CSMD1: variants seen among roughly 807,000 people sequenced by gnomAD.
The protein encoded by CSMD1 is CUB and sushi domain-containing protein 1.
CSMD1 carries 213 observed loss-of-function variants against 417.5 expected under a neutral mutation model. The observed-to-expected ratio is 0.51, with a 90% CI of 0.46 to 0.57. The LOEUF is 0.57. Among genes scored for constraint, CSMD1 ranks in the 20% least tolerant of loss-of-function variants. The probability of loss-of-function intolerance (pLI) is 0.00; values close to 1 mark genes in which losing one functional copy is unlikely to be tolerated. For synonymous variants in CSMD1, 2,862 were observed against 1,736.8 expected (o/e 1.65, Z -16.11); for missense variants, 6,923 against 4,529.7 (o/e 1.53, Z -15.17).
At chr8:4,042,562 C>T (rs964704504) in intron 3 of CSMD1, among the ~76,000 whole-genome samples, 8 of 151,884 alleles carry the variant, frequency 5.3e-5, no homozygotes, top group Admixed American at 1.3e-4. Flanking sequence ...GTCATTCCAG[C>T]GGAAGGTAAT....
intron 48 of CSMD1, among the ~76,000 whole-genome samples, chr8:3,090,870 T>C (rs181863226): frequency 1.3e-5 from 2 of 152,090 alleles, no homozygotes; most frequent in Admixed American, 6.5e-5. Flanking sequence ...CTACTGATGA[T>C]TGTATACAGG....
intron 3 of CSMD1, among the ~76,000 whole-genome samples, chr8:4,042,694 T>G (rs1418409578): frequency 1.3e-5 from 2 of 151,474 alleles, no homozygotes; most frequent in African/African-American, 4.9e-5. Context: ...ATATATATTT[T>G]AGGTTTCTAA....
chr8:4,018,019 T>C (rs1350866599), intron 4 of CSMD1, among the ~76,000 whole-genome samples: 1 of 152,206 alleles, frequency 6.6e-6, no homozygotes, highest in East Asian at 1.9e-4. Context: ...GTTTGTCCAC[T>C]CGTAACTGTC....
At chr8:3,965,847 G>C (rs1037393505) in intron 5 of CSMD1, among the ~76,000 whole-genome samples, 3 of 152,122 alleles carry the variant, frequency 2.0e-5, no homozygotes, top group South Asian at 4.1e-4. Flanking sequence ...TTGAACTCTT[G>C]ACCTCATACT....
At chr8:4,284,693 C>T (rs1310186953) in intron 3 of CSMD1, among the ~76,000 whole-genome samples, 2 of 152,072 alleles carry the variant, frequency 1.3e-5, no homozygotes, top group African/African-American at 4.8e-5. Flanking sequence ...AGATATAAAA[C>T]ACTAAAATTT....
At chr8:3,596,768 G>A (rs184594084) in intron 8 of CSMD1, among the ~76,000 whole-genome samples, 289 of 151,904 alleles carry the variant, frequency 1.9e-3, no homozygotes, top group African/African-American at 6.4e-3. Flanking sequence ...ATAATTCAGG[G>A]CACACACAAA....
chr8:3,158,372 A>G (rs1328530116), intron 38 of CSMD1, among the ~76,000 whole-genome samples: 1 of 152,184 alleles, frequency 6.6e-6, no homozygotes, highest in African/African-American at 2.4e-5. Flanking sequence ...CCAAAATGTC[A>G]GCAATACAAA....
At chr8:4,284,858 A>C (rs1030621566) in intron 3 of CSMD1, among the ~76,000 whole-genome samples, 2 of 150,124 alleles carry the variant, frequency 1.3e-5, no homozygotes, top group African/African-American at 5.0e-5. Flanking sequence ...AAACAAAAAC[A>C]AAAAAAAACT....
Position 4,534,346 on chromosome 8 carries a change from T to G in CSMD1, c.302+102996A>C, listed in dbSNP as rs181147226. The stretch of plus-strand genomic sequence containing the variant: ...TACTCTCTGGCTTACTTTGAAGCAA[T>G]TTTTGCTATAAACCTCTGCCTTTGC... On this transcript the variant is annotated intron_variant, in intron 2 of 69. Transcript: ENST00000635120. 4.7e-4 allele frequency among the ~76,000 whole-genome samples: 72 copies of G among 152,360 alleles called. No individual in the cohort carries two copies. The East Asian group carries it at 7.3e-3, about 15-fold the overall frequency.
intron 3 of CSMD1, among the ~76,000 whole-genome samples, chr8:4,152,717 A>G (rs1216070804): frequency 2.0e-5 from 3 of 152,138 alleles, no homozygotes; most frequent in East Asian, 1.9e-4. Context: ...TCCTTTACAT[A>G]TACACACACA....
chr8:3,597,929 T>C (rs184245507), intron 8 of CSMD1, among the ~76,000 whole-genome samples: 142 of 152,312 alleles, frequency 9.3e-4, no homozygotes, highest in East Asian at 5.4e-3. Context: ...GGCACATATA[T>C]ACATATGTAA....
intron 7 of CSMD1, among the ~76,000 whole-genome samples, chr8:3,690,947 C>A (rs1398343664): frequency 6.6e-6 from 1 of 152,010 alleles, no homozygotes; most frequent in Admixed American, 6.6e-5. Flanking sequence ...TAAAAGTCGG[C>A]CCCATGATTT....
intron 1 of CSMD1, among the ~76,000 whole-genome samples, chr8:4,716,272 T>C (rs1261318492): frequency 6.6e-6 from 1 of 152,164 alleles, no homozygotes; most frequent in Non-Finnish European, 1.5e-5. Flanking sequence ...CAGCTCTTCA[T>C]CCATCTCCCT....
chr8:3,183,254 A>T (rs941051897), intron 36 of CSMD1: 1 of 112,446 alleles, frequency 8.9e-6, no homozygotes, highest in African/African-American at 3.0e-5. Flanking sequence ...GCATCCATCC[A>T]CGTCACAAAC....
intron 5 of CSMD1, among the ~76,000 whole-genome samples, chr8:3,944,225 C>G (rs1334534185): frequency 1.3e-5 from 2 of 152,124 alleles, no homozygotes; most frequent in East Asian, 3.8e-4. Context: ...AAAACTGTCT[C>G]TCAGGCTGGT....
chr8:4,192,194 A>T (rs1204616460), intron 3 of CSMD1, among the ~76,000 whole-genome samples: 2 of 152,198 alleles, frequency 1.3e-5, no homozygotes, highest in African/African-American at 2.4e-5. Flanking sequence ...TGGCTTTAAA[A>T]ATCAAAGTTA....
intron 5 of CSMD1, among the ~76,000 whole-genome samples, chr8:3,931,025 C>T (rs1232728462): frequency 1.3e-5 from 2 of 150,358 alleles, no homozygotes; most frequent in East Asian, 1.9e-4. Flanking sequence ...TGCTAATTTC[C>T]ACAGGGAAAA....
intron 57 of CSMD1, among the ~76,000 whole-genome samples, chr8:2,969,558 T>A (rs1481307809): frequency 6.6e-6 from 1 of 152,228 alleles, no homozygotes; most frequent in East Asian, 1.9e-4. Context: ...ATTTATTCAA[T>A]TTACCATCAG....
At chr8:3,816,143 A>C (rs1442328393) in intron 5 of CSMD1, among the ~76,000 whole-genome samples, 1 of 152,168 alleles carries the variant, frequency 6.6e-6, no homozygotes, top group African/African-American at 2.4e-5. Flanking sequence ...GCTCAGTCTC[A>C]AAGAAAACAA....
Sources: allele counts gnomAD v4.1 joint callset (sites outside exome capture counted in the v4.1 genomes callset), GRCh38; gene constraint gnomAD v4.1.1; transcripts MANE v1.5; gene names NCBI Gene and HGNC (gene_info 2026-07-23, HGNC 2026-07-21).